The following ADCY2 variants were observed in gnomAD, a reference collection of about 807,000 sequenced individuals.
The protein encoded by ADCY2 is adenylate cyclase type 2.
Under a neutral mutation model 125.2 loss-of-function variants are expected in ADCY2, and 31 were observed. The ratio of observed to expected loss-of-function variants is 0.25; its 90% CI spans 0.19 to 0.33. The LOEUF (loss-of-function observed/expected upper bound fraction) is 0.33, where lower values mean the gene tolerates loss of function less well. ADCY2 is among the 10% of genes least tolerant of loss of function. The probability of loss-of-function intolerance (pLI) is 1.00; values close to 1 mark genes in which losing one functional copy is unlikely to be tolerated. For synonymous variants in ADCY2, 512 were observed against 548.4 expected (o/e 0.93, Z 0.93); for missense variants, 904 against 1,418.2 (o/e 0.64, Z 5.82).
rs1000447518 is a variant in ADCY2, at chr5:7,608,245, C to A, written c.571-17922C>A. Among the ~76,000 whole-genome samples the A allele has an allele frequency of 5.9e-5, 9 of 152,266 alleles. No homozygotes were observed. In the East Asian group the frequency reaches 1.7e-3, roughly 29 times the overall value. On this transcript the variant is annotated intron_variant, in intron 3 of 24. Coordinates refer to ENST00000338316, the MANE Select transcript of ADCY2 (RefSeq NM_020546.3). ...GTAAGAAACCACCTTATCCAAAGAT[C>A]ACCTGTGAGCAGGGAAATAACACAG... is the stretch of plus-strand genomic sequence containing the variant.
At chr5:7,580,216 A>T (rs1199125271) in intron 3 of ADCY2, among the ~76,000 whole-genome samples, 1 of 152,148 alleles carries the variant, frequency 6.6e-6, no homozygotes, top group African/African-American at 2.4e-5. Flanking sequence ...ACACCCATGT[A>T]AAAAAACAAA....
intron 2 of ADCY2, among the ~76,000 whole-genome samples, chr5:7,420,834 G>C (rs75326103): frequency 0.011 from 1,727 of 152,234 alleles, 33 homozygotes; most frequent in African/African-American, 0.039. Flanking sequence ...ATTCCCCATT[G>C]ATAGAGCTGT....
intron 1 of ADCY2, among the ~76,000 whole-genome samples, chr5:7,412,253 G>A (rs1739753706): frequency 6.6e-6 from 1 of 152,144 alleles, no homozygotes; most frequent in Admixed American, 6.5e-5. Flanking sequence ...CTAAGAGCCA[G>A]TAAAGTCAAT....
At chr5:7,441,455 G>A (rs572076057) in intron 2 of ADCY2, among the ~76,000 whole-genome samples, 1 of 151,662 alleles carries the variant, frequency 6.6e-6, no homozygotes, top group Non-Finnish European at 1.5e-5. Flanking sequence ...AAAAGTTAAT[G>A]GACATGTACA....
intron 4 of ADCY2, among the ~76,000 whole-genome samples, chr5:7,660,686 A>G (rs1739496817): frequency 6.6e-6 from 1 of 152,056 alleles, no homozygotes; most frequent in Non-Finnish European, 1.5e-5. Flanking sequence ...CTCAGTCTTC[A>G]CTCTTAAGTT....
chr5:7,729,643 G>C (rs1205821845), intron 14 of ADCY2, among the ~76,000 whole-genome samples: 2 of 150,164 alleles, frequency 1.3e-5, no homozygotes, highest in Non-Finnish European at 3.0e-5. Flanking sequence ...AGAAAGTAAA[G>C]AAATAAAATA....
intron 12 of ADCY2, among the ~76,000 whole-genome samples, chr5:7,723,920 C>CAAAAAAAAAAAAAAAAAAAAA (rs70940756): frequency 2.4e-4 from 13 of 53,722 alleles, no homozygotes; most frequent in African/African-American, 1.1e-3. Context: ...GACTCAGTCT[C>CAAAAAAAAAAAAAAAAAAAAA]AAAAAAAAAA....
intron 4 of ADCY2, among the ~76,000 whole-genome samples, chr5:7,674,972 G>A (rs937330941): frequency 2.0e-5 from 3 of 151,988 alleles, no homozygotes; most frequent in Non-Finnish European, 2.9e-5. Context: ...TGGCTAACAT[G>A]GTGAAACTCC....
intron 2 of ADCY2, among the ~76,000 whole-genome samples, chr5:7,470,636 G>A (rs1011889487): frequency 1.4e-4 from 6 of 44,158 alleles, no homozygotes; most frequent in African/African-American, 2.7e-4. Flanking sequence ...CTGTATATAT[G>A]TGTGTGTGTG....
rs559772958 is a variant in ADCY2, at chr5:7,596,282, C to A, written c.571-29885C>A. ...AATGCCCGATCCAAAAACTCCCCCC[C>A]CCCACCAGTTAGCTCTGGGGTATCA... is the stretch of plus-strand genomic sequence containing the variant. On this transcript the variant is annotated intron_variant, in intron 3 of 24. Transcript: ENST00000338316. Among the ~76,000 whole-genome samples, 12 of 148,750 alleles carry A rather than the reference C, an allele frequency of 8.1e-5. No individual in the cohort carries two copies. The South Asian group carries it at 1.5e-3, about 18-fold the overall frequency.
intron 2 of ADCY2, among the ~76,000 whole-genome samples, chr5:7,473,901 C>T (rs11949111): frequency 0.034 from 5,103 of 152,310 alleles, 112 homozygotes; most frequent in Middle Eastern, 0.058. Context: ...CAGGCTAGCC[C>T]TGGGTCTTAG....
At chr5:7,575,384 T>A (rs1181715040) in intron 3 of ADCY2, among the ~76,000 whole-genome samples, 6 of 152,168 alleles carry the variant, frequency 3.9e-5, no homozygotes, top group Admixed American at 6.5e-5. Flanking sequence ...TATTTAAATG[T>A]AAGAAAGATG....
intron 24 of ADCY2, among the ~76,000 whole-genome samples, chr5:7,825,176 G>T (rs1745430531): frequency 6.6e-6 from 1 of 150,818 alleles, no homozygotes; most frequent in African/African-American, 2.5e-5. Flanking sequence ...CAACGCTGCT[G>T]TGCGCCACGA....
intron 3 of ADCY2, among the ~76,000 whole-genome samples, chr5:7,579,840 A>C (rs1736371074): frequency 6.6e-6 from 1 of 152,250 alleles, no homozygotes; most frequent in Admixed American, 6.5e-5. Context: ...CTATAACCAC[A>C]GTATCAAAGA....
intron 2 of ADCY2, among the ~76,000 whole-genome samples, chr5:7,470,776 G>C (rs72709159): frequency 6.6e-6 from 1 of 151,348 alleles, no homozygotes; most frequent in Non-Finnish European, 1.5e-5. Context: ...GTTCTGTAAA[G>C]GAATTAGGGT....
At chr5:7,498,773 A>G (rs186073104) in intron 2 of ADCY2, among the ~76,000 whole-genome samples, 1 of 152,200 alleles carries the variant, frequency 6.6e-6, no homozygotes, top group Non-Finnish European at 1.5e-5. Context: ...AACTACCTAC[A>G]TGTCCACTAG....
intron 12 of ADCY2, among the ~76,000 whole-genome samples, chr5:7,719,501 C>A (rs1741695874): frequency 6.6e-6 from 1 of 152,178 alleles, no homozygotes; most frequent in African/African-American, 2.4e-5. Flanking sequence ...TCAACTGGGG[C>A]TCCAGGCTTG....
intron 1 of ADCY2, among the ~76,000 whole-genome samples, chr5:7,399,028 C>A (rs1022695363): frequency 2.0e-5 from 3 of 152,192 alleles, no homozygotes; most frequent in Admixed American, 6.5e-5. Context: ...GGCTTCGCTT[C>A]AGAGAGGTCT....
intron 15 of ADCY2, among the ~76,000 whole-genome samples, chr5:7,744,438 T>C (rs1742534886): frequency 6.6e-6 from 1 of 152,184 alleles, no homozygotes; most frequent in South Asian, 2.1e-4. Flanking sequence ...TTTCAAGCTA[T>C]AAAATGTTGG....
Sources: allele counts gnomAD v4.1 joint callset (sites outside exome capture counted in the v4.1 genomes callset), GRCh38; gene constraint gnomAD v4.1.1; transcripts MANE v1.5; gene names NCBI Gene and HGNC (gene_info 2026-07-23, HGNC 2026-07-21).